TCAF1: variants seen among roughly 807,000 people sequenced by gnomAD.
TCAF1 encodes TRPM8 channel associated factor 1.
A neutral mutation model predicts 27.3 loss-of-function variants in TCAF1; 4 were observed. The observed-to-expected ratio is 0.15, with a 90% CI of 0.07 to 0.34. The LOEUF is 0.34. Among genes scored for constraint, TCAF1 ranks in the 10% least tolerant of loss-of-function variants. TCAF1 has a pLI of 1.00. For synonymous variants in TCAF1, 105 were observed against 167.1 expected (o/e 0.63, Z 2.87); for missense variants, 257 against 425.8 (o/e 0.60, Z 3.49).
chr7:143,885,541 T>C, intron 1 of TCAF1: 2 of 985,410 alleles, frequency 2.0e-6, no homozygotes, highest in South Asian at 9.4e-5. Context: ...GCAGGACGAT[T>C]TGTTTCAAAG....
At chr7:143,884,818 ATAT>A (rs1813308798) in intron 1 of TCAF1, among the ~76,000 whole-genome samples, 1 of 152,172 alleles carries the variant, frequency 6.6e-6, no homozygotes, top group African/African-American at 2.4e-5. Context: ...TAAATCTGTC[ATAT>A]TATCTCCTGC....
At chr7:143,875,615 A>C (rs1812652614) in intron 2 of TCAF1, among the ~76,000 whole-genome samples, 1 of 152,146 alleles carries the variant, frequency 6.6e-6, no homozygotes, top group Admixed American at 6.5e-5. Flanking sequence ...GCTTTGGCTC[A>C]TGGGGTCCTT....
intron 1 of TCAF1, among the ~76,000 whole-genome samples, chr7:143,896,431 C>G (rs1043106299): frequency 1.2e-4 from 18 of 151,898 alleles, no homozygotes; most frequent in African/African-American, 4.3e-4. Context: ...ATTGGCAACT[C>G]AAGCAAATAA....
At chr7:143,880,425 ATAT>A (rs1812952463) in intron 1 of TCAF1, among the ~76,000 whole-genome samples, 1 of 152,224 alleles carries the variant, frequency 6.6e-6, no homozygotes, top group Non-Finnish European at 1.5e-5. Flanking sequence ...CCAGGCTTTT[ATAT>A]GCATTGAAAA....
chr7:143,888,961 T>C (rs1483450255), intron 1 of TCAF1, among the ~76,000 whole-genome samples: 8 of 151,848 alleles, frequency 5.3e-5, no homozygotes, highest in Non-Finnish European at 8.8e-5. Context: ...CAGAAAATAA[T>C]TGTATTTATA....
chr7:143,875,181 T>C (rs1279827039), intron 2 of TCAF1, among the ~76,000 whole-genome samples: 2 of 152,210 alleles, frequency 1.3e-5, no homozygotes, highest in Non-Finnish European at 2.9e-5. Context: ...GTGTTGTTTG[T>C]TCTGAGAATG....
At chr7:143,880,635 T>C (rs1812963038) in intron 1 of TCAF1, among the ~76,000 whole-genome samples, 1 of 152,208 alleles carries the variant, frequency 6.6e-6, no homozygotes, top group African/African-American at 2.4e-5. Context: ...GTACAGTTTT[T>C]ACATGATGAG....
chr7:143,878,450 T>G (rs889668296), intron 1 of TCAF1, among the ~76,000 whole-genome samples: 1 of 152,206 alleles, frequency 6.6e-6, no homozygotes, highest in Admixed American at 6.5e-5. Context: ...GCTGTGGGCC[T>G]TCCACAAGCC....
In TCAF1 at chr7:143,857,119, A is replaced by AT. The variant is rs1247826026; in HGVS notation, c.2736dup (p.Leu913IlefsTer21). ...CCTTACATCTGTGTGAGGAGGTACA[A>AT]TTTCATAATATTTTCCTTCCATTCA... is the stretch of plus-strand genomic sequence containing the variant. On this transcript the variant is annotated frameshift_variant, in exon 8 of 9. Transcript: ENST00000479870. LOFTEE classifies it high-confidence loss of function. The AT allele has an allele frequency of 2.9e-6, 2 of 691,826 alleles. No homozygotes were observed. Among genetic ancestry groups the AT allele is most frequent in the African/African-American group, 4.3e-5 (2 of 46,020 alleles). 42.9% of individuals were successfully genotyped at this position (691,826 alleles called of 1,614,324 possible).
intron 1 of TCAF1, among the ~76,000 whole-genome samples, chr7:143,883,223 A>G (rs774105146): frequency 6.6e-6 from 1 of 152,190 alleles, no homozygotes; most frequent in Non-Finnish European, 1.5e-5. Context: ...GGAAAATACA[A>G]ATTGTAGAAA....
rs376558599 is a variant in TCAF1 at position 143,876,458 on chromosome 7, C to T, written c.151G>A (p.Ala51Thr). Residue 51 changes from alanine to threonine, a missense_variant, in exon 2 of 9, where the codon GCC (alanine) becomes ACC (threonine). This residue lies in a region of TCAF1 where 255 missense variants were observed against 260.1 expected (regional missense o/e 0.98). Coordinates refer to ENST00000479870, the MANE Select transcript of TCAF1 (RefSeq NM_014719.3). ...VNDMGQVLIAASSYGRGRLVV... is the reference protein window; with the variant it reads ...VNDMGQVLIATSSYGRGRLVV... ...AGGCGGCCACGGCCATAGGAGGAGG[C>T]AGCAATGAGGACCTGGCCCATGTCA... 1 of 1,607,198 alleles carries T rather than the reference C, an allele frequency of 6.2e-7. No homozygotes were observed. Among genetic ancestry groups the T allele is most frequent in the East Asian group, 2.2e-5 (1 of 44,848 alleles).
intron 2 of TCAF1, among the ~76,000 whole-genome samples, chr7:143,867,536 AT>A: frequency 6.6e-6 from 1 of 151,478 alleles, no homozygotes; most frequent in Non-Finnish European, 1.5e-5. Flanking sequence ...CCATTGTCAG[AT>A]ATAAGTATTG....
Position 143,876,436 on chromosome 7 carries a change from C to G in TCAF1, c.173G>C (p.Arg58Pro), listed in dbSNP as rs775716291. ...LIAASSYGRG[R>P]LVVVSHEDYL... is the part of the protein sequence containing the mutation. ...GTCCTCATGGGACACGACCACCAGG[C>G]GGCCACGGCCATAGGAGGAGGCAGC... Residue 58 changes from arginine to proline, a missense_variant, in exon 2 of 9, where the codon CGC (arginine) becomes CCC (proline). Around this residue, in one of 2 missense-constraint regions of TCAF1, gnomAD observed 255 missense variants for 260.1 expected, o/e 0.98. Coordinates refer to ENST00000479870, the MANE Select transcript of TCAF1 (RefSeq NM_014719.3). 4 of 1,610,210 alleles carry G rather than the reference C, an allele frequency of 2.5e-6. No homozygotes were observed. Among genetic ancestry groups the G allele is most frequent in the Non-Finnish European group, 3.4e-6 (4 of 1,178,254 alleles).
At chr7:143,859,967 T>TTATA (rs1811858753) in intron 6 of TCAF1, among the ~76,000 whole-genome samples, 2 of 48,324 alleles carry the variant, frequency 4.1e-5, no homozygotes, top group Non-Finnish European at 7.4e-5. Flanking sequence ...GGAATATATA[T>TTATA]TATATAATAT....
At chr7:143,885,215 C>G (rs1813334279) in intron 1 of TCAF1, 1 of 985,574 alleles carries the variant, frequency 1.0e-6, no homozygotes, top group Non-Finnish European at 1.2e-6. Flanking sequence ...CTCACCCTTT[C>G]GTCCAGCAAT....
At chr7:143,880,049 G>T (rs1320920958) in intron 1 of TCAF1, among the ~76,000 whole-genome samples, 1 of 152,186 alleles carries the variant, frequency 6.6e-6, no homozygotes, top group African/African-American at 2.4e-5. Flanking sequence ...AAGTCACTAT[G>T]ATATGCAGAA....
At chr7:143,890,114 G>A (rs1318918116) in intron 1 of TCAF1, among the ~76,000 whole-genome samples, 5 of 151,794 alleles carry the variant, frequency 3.3e-5, no homozygotes, top group Admixed American at 2.0e-4. Flanking sequence ...TCAGCCTCCC[G>A]AGTAGCTGGG....
rs1415734139 is a variant in TCAF1, at chr7:143,876,312, T to A, written c.297A>T (p.Ala99=). The change falls in exon 2 of 9, where the codon GCA becomes GCT. Residue 99 remains alanine (A), a synonymous_variant. Coordinates refer to ENST00000479870, the MANE Select transcript of TCAF1 (RefSeq NM_014719.3). The stretch of plus-strand genomic sequence containing the variant: ...AGCCCTCGAGGATTTTGGCCAAAGG[T>A]GCCAGGGATGGGTGTACACCAATGG... ...GAPIGVHPSL[A]PLAKILEGSG... 1.9e-6 allele frequency: 3 copies of A among 1,614,030 alleles called. No individual in the cohort carries two copies. The Admixed American group carries it at 5.0e-5, about 27-fold the overall frequency.
chr7:143,874,552 G>A (rs993215043), intron 2 of TCAF1, among the ~76,000 whole-genome samples: 13 of 138,604 alleles, frequency 9.4e-5, no homozygotes, highest in Admixed American at 3.0e-4. Context: ...CATTTGTACG[G>A]CGTTCTTTTC....
Sources: allele counts gnomAD v4.1 joint callset (sites outside exome capture counted in the v4.1 genomes callset), GRCh38; gene constraint gnomAD v4.1.1; regional missense constraint gnomAD v4.1.1; transcripts MANE v1.5; gene names NCBI Gene and HGNC (gene_info 2026-07-23, HGNC 2026-07-21).